The following DNAH10 variants were observed in gnomAD, a reference collection of about 807,000 sequenced individuals.
DNAH10 encodes the protein axonemal beta dynein heavy chain 10.
A neutral mutation model predicts 506.6 loss-of-function variants in DNAH10; 348 were observed. The observed-to-expected ratio is 0.69, with a 90% CI of 0.63 to 0.75. DNAH10 has a LOEUF of 0.75. Ranked by LOEUF, DNAH10 falls within the 30% of genes least tolerant of loss-of-function variation. The pLI, the probability that DNAH10 is intolerant of heterozygous loss-of-function variation, is 0.00. For synonymous variants in DNAH10, 2,059 were observed against 2,198.6 expected (o/e 0.94, Z 1.78); for missense variants, 5,179 against 5,787.1 (o/e 0.89, Z 3.41).
chr12:123,762,324 A>C lies in DNAH10; in HGVS notation c.-13A>C. ...CCGCCCTGCGCCCGGCTCCCTCTGC[A>C]CTGCGCGGCGCCATGGACGACCTGC... On this transcript the variant is annotated 5_prime_UTR_variant, in exon 1 of 79. Coordinates refer to ENST00000673944, the MANE Select transcript of DNAH10 (RefSeq NM_001372106.1). This position sits in a 1 kb window ranked among gnomAD's most constrained non-coding sequence, Gnocchi z 5.0. 1 of 1,319,326 alleles carries C rather than the reference A, an allele frequency of 7.6e-7. No homozygotes were observed. Among genetic ancestry groups the C allele is most frequent in the Non-Finnish European group, 9.7e-7 (1 of 1,032,792 alleles). 81.7% of individuals were successfully genotyped at this position (1,319,326 alleles called of 1,614,324 possible).
chr12:123,826,890 A>T lies in DNAH10; in HGVS notation c.4383A>T (p.Leu1461=). ...PLLLDLKNEA[L]RDRHWKELME... is the part of the protein sequence containing the mutation. ...TTCTTGACTTGAAAAACGAGGCACT[A>T]AGAGACAGGTTTGTTTTGTCCTCTG... is the stretch of plus-strand genomic sequence containing the variant. The change falls in exon 25 of 79, where the codon CTA becomes CTT. Residue 1461 remains leucine (L), a synonymous_variant. Transcript: ENST00000673944. 6.2e-7 allele frequency: 1 copy of T among 1,612,608 alleles called. No individual in the cohort carries two copies. Among genetic ancestry groups the T allele is most frequent in the Non-Finnish European group, 8.5e-7 (1 of 1,179,140 alleles).
intron 11 of DNAH10, among the ~76,000 whole-genome samples, chr12:123,793,255 C>T (rs1248214771): frequency 6.6e-6 from 1 of 152,024 alleles, no homozygotes; most frequent in East Asian, 1.9e-4. Context: ...GCTAAGCCTT[C>T]TGGAGTTTCT....
chr12:123,874,550 T>C (rs529501070), intron 46 of DNAH10, among the ~76,000 whole-genome samples: 1 of 151,398 alleles, frequency 6.6e-6, no homozygotes, highest in East Asian at 2.0e-4. Flanking sequence ...CATCTGTTCA[T>C]TCACCTGTCC....
intron 28 of DNAH10, 140 bp downstream of exon 28, chr12:123,835,668 A>G (rs538769304): frequency 1.6e-6 from 2 of 1,277,134 alleles, no homozygotes; most frequent in African/African-American, 1.5e-5. Flanking sequence ...TCTGTTGCCC[A>G]GGCTGGAGTG....
chr12:123,914,098 G>A (rs1168962131), intron 60 of DNAH10, among the ~76,000 whole-genome samples: 1 of 152,192 alleles, frequency 6.6e-6, no homozygotes, highest in East Asian at 1.9e-4. Context: ...AAGACCACAG[G>A]CCTTTACTGA....
At position 123,835,457 on chromosome 12, in the gene DNAH10, G is replaced by T; in HGVS notation, c.4831G>T (p.Gly1611Cys). 1 of 1,609,138 alleles carries T rather than the reference G, an allele frequency of 6.2e-7. No homozygotes were observed. The highest frequency in any genetic ancestry group is 8.5e-7 in the Non-Finnish European group (1 of 1,177,396). Residue 1611 changes from glycine (G) to cysteine (C), a missense_variant, in exon 28 of 79, where the codon GGT (glycine) becomes TGT (cysteine). By Grantham distance (159) the Gly-to-Cys change is radical (BLOSUM62 -3). This residue lies in a region of DNAH10 where 4,844 missense variants were observed against 5,430.5 expected (regional missense o/e 0.89). Transcript: ENST00000673944. ...GATGTATCTTGAAAGTATTTTTATT[G>T]GTGGAGATATAAGATCACAACTTCC... Reference protein sequence around the residue: ...KWMYLESIFIGGDIRSQLPEE... With the variant: ...KWMYLESIFICGDIRSQLPEE...
intron 26 of DNAH10, 123 bp downstream of exon 26, chr12:123,830,822 A>T: frequency 9.8e-7 from 1 of 1,025,268 alleles, no homozygotes; most frequent in Non-Finnish European, 1.3e-6. Flanking sequence ...GTATGCCATT[A>T]CTCCCAGCTT....
intron 73 of DNAH10, 103 bp from the exon 74 acceptor site, chr12:123,931,238 A>C: frequency 6.6e-7 from 1 of 1,511,048 alleles, no homozygotes. Flanking sequence ...CCCTCTAAAC[A>C]GTGGAAATTA....
At chr12:123,931,918 C>T (rs750482201) in intron 75 of DNAH10, 23 bp from the exon 76 acceptor site, 52 of 1,613,528 alleles carry the variant, frequency 3.2e-5, no homozygotes, top group Admixed American at 1.2e-4. Context: ...GAGTCCTGCC[C>T]GATTGCTCTT....
chr12:123,773,709 C>A (rs1054538064), intron 4 of DNAH10, among the ~76,000 whole-genome samples: 2 of 152,184 alleles, frequency 1.3e-5, no homozygotes, highest in African/African-American at 4.8e-5. Flanking sequence ...CCAATCCAAT[C>A]GTGAGACTCC....
In DNAH10 at chr12:123,819,700, GTTTTTTTTT is replaced by G. The variant is rs768231077; in HGVS notation, c.4000+464_4000+472del. Among the ~76,000 whole-genome samples, 79 of 101,848 alleles carry G rather than the reference GTTTTTTTTT, an allele frequency of 7.8e-4. No homozygotes were observed. In the East Asian group the frequency reaches 0.017, roughly 23 times the overall value. The allele number at this position is 101,848 out of a possible 152,430, so 66.8% of individuals were successfully genotyped here. A position where few individuals can be genotyped will look rare whatever the true frequency, so the allele number is the denominator to read the frequency against. ...GACAAGTTAAAAATACTAAAATTCT[GTTTTTTTTT>G]TTTTTTTTTTTTTGAGACAGAGTCT... On this transcript the variant is annotated intron_variant, in intron 23 of 78. Coordinates refer to ENST00000673944, the MANE Select transcript of DNAH10 (RefSeq NM_001372106.1).
intron 54 of DNAH10, among the ~76,000 whole-genome samples, chr12:123,896,146 C>T (rs1052176930): frequency 6.0e-4 from 61 of 102,518 alleles, no homozygotes; most frequent in Non-Finnish European, 8.6e-4. Flanking sequence ...CACACACACA[C>T]ACAGAGAGAG....
chr12:123,910,765 C>A, intron 59 of DNAH10, 93 bp downstream of exon 59: 2 of 1,485,880 alleles, frequency 1.3e-6, no homozygotes, highest in African/African-American at 1.5e-5. Flanking sequence ...AAAACTTCTC[C>A]CGAGGTTCTG....
chr12:123,845,823 A>G lies in DNAH10; in HGVS notation c.5584A>G (p.Ile1862Val), dbSNP rs753927947. ...DRKKYNTVLI[I>V]DVHARDIVDS... The stretch of plus-strand genomic sequence containing the variant: ...GAAAAAATACAACACTGTTCTCATC[A>G]TTGATGTGCATGCCAGAGACATAGT... Residue 1862 changes from isoleucine to valine, a missense_variant, in exon 31 of 79, where the codon ATT becomes GTT. By Grantham distance (29) the Ile-to-Val change is conservative (BLOSUM62 3). Around this residue, in one of 3 missense-constraint regions of DNAH10, gnomAD observed 4,844 missense variants for 5,430.5 expected, o/e 0.89. Transcript: ENST00000673944. 1.4e-5 allele frequency: 23 copies of G among 1,613,942 alleles called. No homozygotes were observed. Among genetic ancestry groups the G allele is most frequent in the African/African-American group, 4.0e-5 (3 of 74,944 alleles).
intron 57 of DNAH10, among the ~76,000 whole-genome samples, chr12:123,908,162 G>A (rs1953886718): frequency 7.1e-6 from 1 of 140,500 alleles, no homozygotes. Context: ...CTGTCTCCCT[G>A]TCTCCTCCCT....
intron 1 of DNAH10, among the ~76,000 whole-genome samples, chr12:123,764,478 G>A (rs750178849): frequency 2.0e-5 from 3 of 152,040 alleles, no homozygotes; most frequent in Non-Finnish European, 4.4e-5. Flanking sequence ...GCAGGAACTC[G>A]GGTTTCGTTT....
intron 28 of DNAH10, among the ~76,000 whole-genome samples, chr12:123,837,507 C>T (rs1347850904): frequency 1.3e-5 from 2 of 151,560 alleles, no homozygotes; most frequent in Non-Finnish European, 1.5e-5. Context: ...TATATCTTTC[C>T]AGAACATTTA....
chr12:123,839,951 C>G (rs1021676526), intron 29 of DNAH10, among the ~76,000 whole-genome samples: 13 of 152,164 alleles, frequency 8.5e-5, no homozygotes, highest in African/African-American at 3.1e-4. Context: ...AGAACAGAGG[C>G]TGGCCAGACA....
In DNAH10 at chr12:123,848,800, TC is replaced by T; in HGVS notation, c.6021del (p.Ile2007MetfsTer8). 1 of 1,613,946 alleles carries T rather than the reference TC, an allele frequency of 6.2e-7. No homozygotes were observed. Among genetic ancestry groups the T allele is most frequent in the Non-Finnish European group, 8.5e-7 (1 of 1,179,862 alleles). On this transcript the variant is annotated frameshift_variant, in exon 34 of 79. Coordinates refer to ENST00000673944, the MANE Select transcript of DNAH10 (RefSeq NM_001372106.1). LOFTEE classifies it high-confidence loss of function. The part of the protein sequence containing the change: ...AWGCFDEFNR[I>X]DASVLSVISS... ...GGCTGCTTTGATGAGTTTAATCGAATCGATGCTTCTGTGCTCTCCGTGATCT... is the reference window on the plus strand; with the variant it reads ...GGCTGCTTTGATGAGTTTAATCGAATGATGCTTCTGTGCTCTCCGTGATCT...
Sources: allele counts gnomAD v4.1 joint callset (sites outside exome capture counted in the v4.1 genomes callset), GRCh38; gene constraint gnomAD v4.1.1; regional missense constraint gnomAD v4.1.1; non-coding constraint Gnocchi (gnomAD v3.1); transcripts MANE v1.5; gene names NCBI Gene and HGNC (gene_info 2026-07-23, HGNC 2026-07-21).